Variants in GPHN observed in about 807,000 individuals in gnomAD.
GPHN encodes gephyrin.
A neutral mutation model predicts 95.5 loss-of-function variants in GPHN; 17 were observed. The observed-to-expected ratio is 0.18, with a 90% confidence interval of 0.12 to 0.27. The LOEUF is 0.27. Among genes scored for constraint, GPHN ranks in the 10% least tolerant of loss-of-function variants. The pLI, the probability that GPHN is intolerant of heterozygous loss-of-function variation, is 1.00. For synonymous variants in GPHN, 320 were observed against 322.5 expected, an observed-to-expected ratio of 0.99 and a Z score of 0.08; for missense variants, 660 against 978.1, an observed-to-expected ratio of 0.67 and a Z score of 4.34.
the GPHN span, among the ~76,000 whole-genome samples, chr14:67,338,987 GA>G: frequency 1.7e-4 from 25 of 147,902 alleles, no homozygotes; most frequent in Non-Finnish European, 3.3e-4. Flanking sequence ...ACCTGAGACA[GA>G]AGCCTTTTTT....
At chr14:67,057,407 T>TG (rs144173316) in intron 10 of GPHN, among the ~76,000 whole-genome samples, 11,524 of 123,540 alleles carry the variant, frequency 0.093, 1,254 homozygotes, top group African/African-American at 0.29. Context: ...CATGGGCACA[T>TG]GGGTGGGGGG....
chr14:66,931,998 G>C (rs1357699093), intron 8 of GPHN, among the ~76,000 whole-genome samples: 1 of 152,166 alleles, frequency 6.6e-6, no homozygotes, highest in Non-Finnish European at 1.5e-5. Flanking sequence ...TTCTTGGGAA[G>C]GCTTTCCAAA....
chr14:67,588,692 G>A, the GPHN span: 2 of 152,360 alleles, frequency 1.3e-5, no homozygotes. Flanking sequence ...TAGCTCTAAG[G>A]CAGCCTTACT....
chr14:66,919,186 T>C (rs565176090), intron 6 of GPHN, among the ~76,000 whole-genome samples: 159 of 152,316 alleles, frequency 1.0e-3, no homozygotes, highest in Non-Finnish European at 1.9e-3. Context: ...GAACTTTAGC[T>C]CTCTGGACAA....
chr14:66,667,144 A>G (rs1235183615), intron 1 of GPHN, among the ~76,000 whole-genome samples: 1 of 152,228 alleles, frequency 6.6e-6, no homozygotes, highest in Non-Finnish European at 1.5e-5. Context: ...AAATTACACA[A>G]AGAAATGGAG....
chr14:66,653,614 G>A (rs1300815151), intron 1 of GPHN, among the ~76,000 whole-genome samples: 1 of 152,088 alleles, frequency 6.6e-6, no homozygotes, highest in Admixed American at 6.5e-5. Context: ...TGAACTCCTT[G>A]TAAACACTAA....
intron 1 of GPHN, among the ~76,000 whole-genome samples, chr14:66,551,873 A>G (rs2059825172): frequency 6.6e-6 from 1 of 152,170 alleles, no homozygotes; most frequent in African/African-American, 2.4e-5. Context: ...ATCCATCTCC[A>G]TGATTCAATC....
At chr14:67,002,602 T>G (rs369991452) in intron 9 of GPHN, among the ~76,000 whole-genome samples, 3 of 151,426 alleles carry the variant, frequency 2.0e-5, no homozygotes, top group East Asian at 3.9e-4. Context: ...AATCCTGGAT[T>G]TGAAACCCAA....
chr14:67,184,627 A>G (rs1288184436), downstream of GPHN, among the ~76,000 whole-genome samples: 1 of 152,180 alleles, frequency 6.6e-6, no homozygotes, highest in Admixed American at 6.5e-5. Flanking sequence ...AAAAAGAAGG[A>G]AAAAAATGAG....
chr14:67,340,377 G>T, the GPHN span: 1 of 1,391,604 alleles, frequency 7.2e-7, no homozygotes, highest in Non-Finnish European at 1.0e-6. Flanking sequence ...AAGTCATTCA[G>T]CAAATACAGC....
chr14:67,213,330 A>T, the GPHN span, among the ~76,000 whole-genome samples: 1 of 100,644 alleles, frequency 9.9e-6, no homozygotes, highest in African/African-American at 4.0e-5. Context: ...CCACCCCACA[A>T]CAGTCCCTGG....
chr14:67,001,659 C>T (rs1030558619), intron 9 of GPHN, among the ~76,000 whole-genome samples: 5 of 151,660 alleles, frequency 3.3e-5, no homozygotes, highest in South Asian at 4.1e-4. Flanking sequence ...ATCCTTACTT[C>T]GGATACATAA....
intron 16 of GPHN, among the ~76,000 whole-genome samples, chr14:67,113,783 C>G (rs1229903134): frequency 1.3e-5 from 2 of 152,112 alleles, no homozygotes; most frequent in Admixed American, 1.3e-4. Context: ...TTTCTGAGAA[C>G]TCTTGAAAAA....
chr14:67,059,120 T>C, intron 11 of GPHN: 1 of 387,664 alleles, frequency 2.6e-6, no homozygotes, highest in Non-Finnish European at 4.6e-6. Context: ...AGGAAAGTAG[T>C]TAACTCTGAG....
intron 8 of GPHN, among the ~76,000 whole-genome samples, chr14:66,936,294 A>G (rs1038540647): frequency 6.6e-6 from 1 of 151,944 alleles, no homozygotes; most frequent in Non-Finnish European, 1.5e-5. Flanking sequence ...CAGGAGAATC[A>G]CTTAAACCCC....
At chr14:67,041,462 G>A (rs2074702252) in intron 10 of GPHN, among the ~76,000 whole-genome samples, 4 of 151,624 alleles carry the variant, frequency 2.6e-5, no homozygotes, top group Admixed American at 2.6e-4. Context: ...GTGAGAACAT[G>A]TACTGTTTGG....
intron 11 of GPHN, among the ~76,000 whole-genome samples, chr14:67,067,367 C>T (rs1680499756): frequency 6.6e-6 from 1 of 152,166 alleles, no homozygotes; most frequent in Admixed American, 6.5e-5. Context: ...TGTCTGCTGG[C>T]CCCTACTAGG....
At chr14:67,427,577 G>A in the GPHN span, among the ~76,000 whole-genome samples, 1 of 152,164 alleles carries the variant, frequency 6.6e-6, no homozygotes, top group African/African-American at 2.4e-5. Context: ...GGCTTCCCAC[G>A]AGAGCTCCGT....
At chr14:67,508,762 A>AAAAAAAAAAAAAAAAAC in the GPHN span, among the ~76,000 whole-genome samples, 3 of 150,356 alleles carry the variant, frequency 2.0e-5, no homozygotes, top group Non-Finnish European at 3.0e-5. Context: ...TCAAAAAAAA[A>AAAAAAAAAAAAAAAAAC]AAAAAAAAAC....
Sources: gnomAD v4.1 joint callset for allele counts (sites outside exome capture counted in the v4.1 genomes callset) on GRCh38, gnomAD v4.1.1 for gene constraint, MANE v1.5 for transcripts, NCBI Gene and HGNC (gene_info 2026-07-23, HGNC 2026-07-21) for gene names.